Variants in RPN1 observed in about 807,000 individuals in gnomAD.
The protein encoded by RPN1 is dolichyl-diphosphooligosaccharide--protein glycosyltransferase subunit 1.
A neutral mutation model predicts 55.5 loss-of-function variants in RPN1; 12 were observed. That is an observed-to-expected ratio of 0.22 (90% CI 0.14 to 0.35). The LOEUF is 0.35. Among genes scored for constraint, RPN1 ranks in the 10% least tolerant of loss-of-function variants. RPN1 has a pLI of 1.00. For synonymous variants in RPN1, 317 were observed against 305.9 expected (o/e 1.04, Z -0.38); for missense variants, 679 against 761.3 (o/e 0.89, Z 1.27).
chr3:128,626,928 TAGAC>T (rs1211914155), intron 5 of RPN1, 96 bp from the exon 6 acceptor site: 2 of 1,176,596 alleles, frequency 1.7e-6, no homozygotes, highest in Non-Finnish European at 2.5e-6. Context: ...ACAGAGCAAG[TAGAC>T]AGCAAAACCA....
Position 128,650,626 on chromosome 3 carries a change from C to T in RPN1, c.175G>A (p.Gly59Ser), listed in dbSNP as rs1466709842. The change falls in exon 1 of 10, where the codon GGC (glycine) becomes AGC (serine). Residue 59 changes from glycine to serine, a missense_variant. By Grantham distance (56) the Gly-to-Ser change is moderately conservative (BLOSUM62 0). Coordinates refer to ENST00000296255, the MANE Select transcript of RPN1 (RefSeq NM_002950.4). ...VTAEVVLAHL[G>S]GGSTSRATSF... ...GTAGCTCGGGACGTGGAGCCGCCGC[C>T]CAGGTGCGCCAGGACCACCTCGGCC... 3 of 1,553,540 alleles carry T rather than the reference C, an allele frequency of 1.9e-6. No individual in the cohort carries two copies. Among genetic ancestry groups the T allele is most frequent in the African/African-American group, 1.4e-5 (1 of 73,338 alleles).
Position 128,650,648 on chromosome 3 carries a change from G to T in RPN1, c.153C>A (p.Ala51=). 1 of 1,560,472 alleles carries T rather than the reference G, an allele frequency of 6.4e-7. No homozygotes were observed. Among genetic ancestry groups the T allele is most frequent in the East Asian group, 2.4e-5 (1 of 42,060 alleles). ...DLSSHLAKVT[A]EVVLAHLGGG... ...CGCCCAGGTGCGCCAGGACCACCTC[G>T]GCCGTCACCTTAGCCAGGTGGCTGC... Residue 51 remains alanine (A), a synonymous_variant, in exon 1 of 10, where the codon GCC becomes GCA. Transcript: ENST00000296255.
chr3:128,639,807 G>T (rs1460886004), intron 2 of RPN1, among the ~76,000 whole-genome samples: 1 of 151,998 alleles, frequency 6.6e-6, no homozygotes, highest in Non-Finnish European at 1.5e-5. Flanking sequence ...AGGATGGTCT[G>T]AACTCCTGAC....
In RPN1 at chr3:128,630,027, G is replaced by A; in HGVS notation, c.960C>T (p.Phe320=). ...DSVEMEIRPR[F]PLFGGWKTHY... ...GGGTCTTCCACCCGCCAAAGAGAGG[G>A]AAGCGAGGCCGGATTTCCATCTCTA... Residue 320 remains phenylalanine (F), a synonymous_variant, in exon 5 of 10, where the codon TTC becomes TTT. Transcript: ENST00000296255. 6.2e-7 allele frequency: 1 copy of A among 1,613,844 alleles called. No homozygotes were observed. Among genetic ancestry groups the A allele is most frequent in the Non-Finnish European group, 8.5e-7 (1 of 1,179,732 alleles).
At chr3:128,646,461 G>A (rs970345456) in intron 1 of RPN1, among the ~76,000 whole-genome samples, 5 of 151,642 alleles carry the variant, frequency 3.3e-5, no homozygotes, top group Non-Finnish European at 5.9e-5. Flanking sequence ...GGAGGGGTGC[G>A]GATCACCTGA....
intron 9 of RPN1, 122 bp downstream of exon 9, chr3:128,622,042 A>G: frequency 1.0e-6 from 1 of 962,990 alleles, no homozygotes; most frequent in South Asian, 1.6e-5. Flanking sequence ...AGTTATGGCC[A>G]GATGCAGTCT....
Position 128,626,847 on chromosome 3 carries a change from A to G in RPN1, c.1037-15T>C. On this transcript the variant is annotated splice_polypyrimidine_tract_variant and intron_variant, in intron 5 of 9. Coordinates refer to ENST00000296255, the MANE Select transcript of RPN1 (RefSeq NM_002950.4). ...ATACTGGTCACCTGAAGGATCAAGC[A>G]AGCATAAGCAATGATGTGGAAAACG... 3.7e-6 allele frequency: 6 copies of G among 1,609,216 alleles called. No individual in the cohort carries two copies. In the South Asian group the frequency reaches 6.6e-5, roughly 18 times the overall value.
rs2069551851 is a variant in RPN1 at position 128,620,568 on chromosome 3, G to A, written c.1667C>T (p.Ala556Val). 1.9e-6 allele frequency: 3 copies of A among 1,613,574 alleles called. No homozygotes were observed. The highest frequency in any genetic ancestry group is 2.5e-6 in the Non-Finnish European group (3 of 1,179,722). ...DRVSEMQKLD[A>V]QVKELVLKSA... is the part of the protein sequence containing the mutation. ...CTTCAGCACCAGCTCCTTGACCTGT[G>A]CATCCAGCTTCTGCATTTCGCTCAC... is the stretch of plus-strand genomic sequence containing the variant. Residue 556 changes from alanine (A) to valine (V), a missense_variant, in exon 10 of 10, where the codon GCA becomes GTA. Physicochemically the swap from Ala to Val is moderately conservative, Grantham distance 64. Transcript: ENST00000296255.
chr3:128,645,009 A>T (rs745659274), intron 1 of RPN1, 26 bp from the exon 2 acceptor site: 1 of 1,363,394 alleles, frequency 7.3e-7, no homozygotes, highest in Non-Finnish European at 1.1e-6. Context: ...ATAGTTTATT[A>T]TTCATGTCTT....
chr3:128,648,116 G>A (rs895328881), intron 1 of RPN1, among the ~76,000 whole-genome samples: 17 of 151,810 alleles, frequency 1.1e-4, no homozygotes, highest in African/African-American at 2.4e-4. Context: ...AAAATTGGCC[G>A]GGCGCAGTGG....
Position 128,650,665 on chromosome 3 carries a change from G to A in RPN1, c.136C>T (p.Leu46=), listed in dbSNP as rs776980695. 1.7e-5 allele frequency: 26 copies of A among 1,568,578 alleles called. No homozygotes were observed. The highest frequency in any genetic ancestry group is 8.2e-5 in the South Asian group (7 of 85,560). ...ACCACCTCGGCCGTCACCTTAGCCAGGTGGCTGCTTAGGTCCACTGTGCGC... is the reference window on the plus strand; with the variant it reads ...ACCACCTCGGCCGTCACCTTAGCCAAGTGGCTGCTTAGGTCCACTGTGCGC... ...VKRTVDLSSH[L]AKVTAEVVLA... is the part of the protein sequence containing the mutation. The change falls in exon 1 of 10, where the codon CTG becomes TTG. Residue 46 remains leucine, a synonymous_variant. Transcript: ENST00000296255.
chr3:128,626,284 C>A (rs1017991244), intron 6 of RPN1, among the ~76,000 whole-genome samples: 3 of 152,222 alleles, frequency 2.0e-5, no homozygotes, highest in African/African-American at 7.2e-5. Flanking sequence ...ACTGGCCCCA[C>A]TCCTTGGAGT....
At chr3:128,625,510 G>T in intron 8 of RPN1, 24 bp downstream of exon 8, 1 of 1,613,998 alleles carries the variant, frequency 6.2e-7, no homozygotes, top group African/African-American at 1.3e-5. Flanking sequence ...CAAATGACAA[G>T]CAGGAAGAAG....
rs76142192 is a variant in RPN1, at chr3:128,620,916, T to C, written c.1642-323A>G. Reference sequence around the variant, plus strand: ...CAGCACCTATCATGCCCCTGGCACATAGCAGCTCCTCTATGAACATCACTT... The same window carrying C: ...CAGCACCTATCATGCCCCTGGCACACAGCAGCTCCTCTATGAACATCACTT... On this transcript the variant is annotated intron_variant, in intron 9 of 9. Coordinates refer to ENST00000296255, the MANE Select transcript of RPN1 (RefSeq NM_002950.4). 5.5e-3 allele frequency among the ~76,000 whole-genome samples: 835 copies of C among 152,294 alleles called. 31 individuals carry two copies. Among genetic ancestry groups the C allele is most frequent in the Admixed American group, 0.05 (762 of 15,302 alleles).
chr3:128,643,389 A>T (rs2069742716), intron 2 of RPN1, among the ~76,000 whole-genome samples: 1 of 151,378 alleles, frequency 6.6e-6, no homozygotes, highest in Admixed American at 6.6e-5. Flanking sequence ...TGGGGCCAGG[A>T]GTGGTGGCTC....
chr3:128,633,306 G>A (rs889876854), intron 3 of RPN1, among the ~76,000 whole-genome samples: 1 of 151,248 alleles, frequency 6.6e-6, no homozygotes, highest in Non-Finnish European at 1.5e-5. Context: ...GCTCAATGCA[G>A]TCTCAACCTC....
chr3:128,641,310 T>G lies in RPN1; in HGVS notation c.327-3205A>C, dbSNP rs112979551. 5.8e-4 allele frequency among the ~76,000 whole-genome samples: 89 copies of G among 152,270 alleles called. 1 individual carries two copies. Among genetic ancestry groups the G allele is most frequent in the African/African-American group, 2.1e-3 (87 of 41,550 alleles). On this transcript the variant is annotated intron_variant, in intron 2 of 9. Coordinates refer to ENST00000296255, the MANE Select transcript of RPN1 (RefSeq NM_002950.4). ...AAAATGGTAAGCTATGAAAAAAAATTTTTTAATGTTCCCAACTGTGGGCTT... is the reference window on the plus strand; with the variant it reads ...AAAATGGTAAGCTATGAAAAAAAATGTTTTAATGTTCCCAACTGTGGGCTT...
intron 4 of RPN1, among the ~76,000 whole-genome samples, chr3:128,630,884 C>CGGCT (rs1318872560): frequency 1.4e-5 from 2 of 147,062 alleles, no homozygotes. Context: ...GAGGCCGAGG[C>CGGCT]GGGCGGATCA....
At chr3:128,631,183 G>C (rs1348573941) in intron 4 of RPN1, among the ~76,000 whole-genome samples, 1 of 149,368 alleles carries the variant, frequency 6.7e-6, no homozygotes, top group Non-Finnish European at 1.5e-5. Context: ...CACTTTGAGA[G>C]GCCAAGGCGG....
Sources: gnomAD v4.1 joint callset for allele counts (sites outside exome capture counted in the v4.1 genomes callset) on GRCh38, gnomAD v4.1.1 for gene constraint, MANE v1.5 for transcripts, NCBI Gene and HGNC (gene_info 2026-07-23, HGNC 2026-07-21) for gene names.